TP63: variants seen among roughly 807,000 people sequenced by gnomAD.
The protein encoded by TP63 is tumor protein p63.
In TP63, 17 loss-of-function variants were observed where a neutral mutation model predicts 82.8. The ratio of observed to expected loss-of-function variants is 0.21; its 90% CI spans 0.14 to 0.31. TP63 has a LOEUF of 0.31. Ranked by LOEUF, TP63 falls within the 10% of genes least tolerant of loss-of-function variation. The pLI, the probability that TP63 is intolerant of heterozygous loss-of-function variation, is 1.00. For synonymous variants in TP63, 330 were observed against 321.7 expected, an observed-to-expected ratio of 1.03 and a Z score of -0.28; for missense variants, 648 against 895.3, an observed-to-expected ratio of 0.72 and a Z score of 3.52.
intron 3 of TP63, among the ~76,000 whole-genome samples, chr3:189,781,293 G>A (rs1449594343): frequency 6.6e-6 from 1 of 152,194 alleles, no homozygotes; most frequent in African/African-American, 2.4e-5. Flanking sequence ...TGAAAACGGG[G>A]TTCTTGGAGT....
chr3:189,839,964 C>T (rs1560241923), intron 4 of TP63, among the ~76,000 whole-genome samples: 1 of 152,128 alleles, frequency 6.6e-6, no homozygotes, highest in African/African-American at 2.4e-5. Context: ...ACTTATTTCA[C>T]GTTTAGGAGT....
At chr3:189,638,210 T>A (rs1215074338) in intron 1 of TP63, among the ~76,000 whole-genome samples, 1 of 152,172 alleles carries the variant, frequency 6.6e-6, no homozygotes, top group African/African-American at 2.4e-5. Flanking sequence ...AGAATTGTTA[T>A]CCCCAAATTG....
chr3:189,763,229 G>A (rs1225589988), intron 3 of TP63, among the ~76,000 whole-genome samples: 1 of 152,156 alleles, frequency 6.6e-6, no homozygotes, highest in Non-Finnish European at 1.5e-5. Flanking sequence ...ATCCGTGACT[G>A]TGCCACTGCA....
the TP63 span, among the ~76,000 whole-genome samples, chr3:189,604,913 A>C: frequency 1.3e-5 from 2 of 152,196 alleles, no homozygotes; most frequent in African/African-American, 4.8e-5. Flanking sequence ...AATTTTCCTA[A>C]GCCACCCAGG....
chr3:189,867,475 C>T (rs1419472487), intron 6 of TP63, among the ~76,000 whole-genome samples: 1 of 152,166 alleles, frequency 6.6e-6, no homozygotes, highest in Non-Finnish European at 1.5e-5. Flanking sequence ...ATTCTTGGAG[C>T]ATTGCTACTG....
At chr3:189,631,118 C>G (rs1729435504), upstream of TP63, 1 of 568,172 alleles carries the variant, frequency 1.8e-6, no homozygotes, top group Non-Finnish European at 2.2e-6. Context: ...AAATTAAACT[C>G]TGATGCCATT....
chr3:189,889,502 G>A lies in TP63; in HGVS notation c.1652+18G>A, dbSNP rs1720800452. 2 of 1,614,150 alleles carry A rather than the reference G, an allele frequency of 1.2e-6. No individual in the cohort carries two copies. Among genetic ancestry groups the A allele is most frequent in the Non-Finnish European group, 1.7e-6 (2 of 1,179,996 alleles). On this transcript the variant is annotated intron_variant, in intron 12 of 13. Coordinates refer to ENST00000264731, the MANE Select transcript of TP63 (RefSeq NM_003722.5). ...ATTGTCAGGTGAGTCCACAGCATGT[G>A]CCCCTGGGGGCCTGCCCTAAGCATC...
rs1166934177 is a variant in TP63 at position 189,652,024 on chromosome 3, G to T, written c.62+20447G>T. Among the ~76,000 whole-genome samples, 8 of 146,984 alleles carry T rather than the reference G, an allele frequency of 5.4e-5. 2 individuals carry two copies. The highest frequency in any genetic ancestry group is 2.0e-4 in the African/African-American group (8 of 39,202). On this transcript the variant is annotated intron_variant, in intron 1 of 13. Coordinates refer to ENST00000264731, the MANE Select transcript of TP63 (RefSeq NM_003722.5). ...ATGTCCGAGCAGAAGTTTGCTGCAG[G>T]AGTAGAGCCTCATGGAGAACCTCTG...
At chr3:189,654,233 C>G (rs1056683318) in intron 1 of TP63, among the ~76,000 whole-genome samples, 1 of 150,604 alleles carries the variant, frequency 6.6e-6, no homozygotes, top group African/African-American at 2.4e-5. Flanking sequence ...ATGTTAATAC[C>G]AAGCCTTTTG....
chr3:189,629,107 G>A (rs1191014390), upstream of TP63, among the ~76,000 whole-genome samples: 1 of 152,102 alleles, frequency 6.6e-6, no homozygotes, highest in Non-Finnish European at 1.5e-5. Context: ...GATGAGTGTG[G>A]TGGCTCATGC....
intron 10 of TP63, among the ~76,000 whole-genome samples, chr3:189,878,880 G>A (rs1323556836): frequency 1.7e-5 from 2 of 120,000 alleles, no homozygotes; most frequent in Non-Finnish European, 1.7e-5. Flanking sequence ...CCCTGACCTT[G>A]GCCTCCCACA....
the TP63 span, among the ~76,000 whole-genome samples, chr3:189,602,400 A>C: frequency 6.6e-6 from 1 of 152,176 alleles, no homozygotes; most frequent in South Asian, 2.1e-4. Flanking sequence ...GTGCATCACA[A>C]ACATTTTCTT....
chr3:189,889,118 C>T (rs756063001), intron 11 of TP63, among the ~76,000 whole-genome samples: 2 of 152,122 alleles, frequency 1.3e-5, no homozygotes, highest in Non-Finnish European at 2.9e-5. Flanking sequence ...AGATTGTTCT[C>T]GGACAAGGTA....
At chr3:189,844,866 T>C (rs1714662928) in intron 4 of TP63, among the ~76,000 whole-genome samples, 2 of 152,188 alleles carry the variant, frequency 1.3e-5, no homozygotes, top group Admixed American at 6.5e-5. Flanking sequence ...TTTATTTTCA[T>C]GTATCTCATT....
intron 10 of TP63, chr3:189,881,248 A>C: frequency 1.0e-6 from 1 of 985,412 alleles, no homozygotes; most frequent in South Asian, 4.7e-5. Context: ...GAAATTAAAG[A>C]TTGAAAGGGT....
At chr3:189,807,396 T>G (rs1727032173) in intron 3 of TP63, among the ~76,000 whole-genome samples, 7 of 152,260 alleles carry the variant, frequency 4.6e-5, no homozygotes, top group African/African-American at 1.7e-4. Flanking sequence ...TAATTTATTC[T>G]TTCATAAATA....
At chr3:189,867,663 C>T (rs1717895885) in intron 6 of TP63, among the ~76,000 whole-genome samples, 170 bp from the exon 7 acceptor site, 1 of 152,152 alleles carries the variant, frequency 6.6e-6, no homozygotes. Flanking sequence ...TTTAAGCTTC[C>T]CCGCAGGCAA....
intron 1 of TP63, among the ~76,000 whole-genome samples, chr3:189,676,638 A>G (rs13080141): frequency 0.033 from 5,041 of 152,052 alleles, 120 homozygotes; most frequent in East Asian, 0.14. Context: ...CAGTTGTGTT[A>G]CATGGATACA....
At position 189,819,284 on chromosome 3, in the gene TP63, CT is replaced by C. The variant is rs112283744; in HGVS notation, c.579+10767del. Among the ~76,000 whole-genome samples, 944 of 151,344 alleles carry C rather than the reference CT, an allele frequency of 6.2e-3. 13 individuals are homozygous for C. Among genetic ancestry groups the C allele is most frequent in the African/African-American group, 0.022 (899 of 41,228 alleles). On this transcript the variant is annotated intron_variant, in intron 4 of 13. Transcript: ENST00000264731. Reference sequence around the variant, plus strand: ...TTATATAAGTATAAGCAAATGTGCACTTTTTTTTTAAATTTTATTATTATTA... The same window carrying C: ...TTATATAAGTATAAGCAAATGTGCACTTTTTTTTAAATTTTATTATTATTA...
Sources: gnomAD v4.1 joint callset for allele counts (sites outside exome capture counted in the v4.1 genomes callset) on GRCh38, gnomAD v4.1.1 for gene constraint, MANE v1.5 for transcripts, NCBI Gene and HGNC (gene_info 2026-07-23, HGNC 2026-07-21) for gene names.